PTPRM: variants seen among roughly 807,000 people sequenced by gnomAD.
The protein encoded by PTPRM is receptor-type tyrosine-protein phosphatase mu.
A neutral mutation model predicts 186.7 loss-of-function variants in PTPRM; 47 were observed. That is an observed-to-expected ratio of 0.25 (90% CI 0.20 to 0.32). PTPRM has a LOEUF of 0.32. Among genes scored for constraint, PTPRM ranks in the 10% least tolerant of loss-of-function variants. The pLI, the probability that PTPRM is intolerant of heterozygous loss-of-function variation, is 1.00. For missense variants in PTPRM, 1,494 were observed against 1,865.0 expected (o/e 0.80, Z 3.66); for synonymous variants, 668 against 674.9 (o/e 0.99, Z 0.16).
At chr18:7,696,244 C>A (rs911440238) in intron 1 of PTPRM, among the ~76,000 whole-genome samples, 1 of 152,036 alleles carries the variant, frequency 6.6e-6, no homozygotes, top group African/African-American at 2.4e-5. Context: ...TACTTTATTT[C>A]TTAATAAGAT....
chr18:8,184,480 G>A (rs1335367587), intron 14 of PTPRM, among the ~76,000 whole-genome samples: 2 of 152,182 alleles, frequency 1.3e-5, no homozygotes, highest in Non-Finnish European at 2.9e-5. Flanking sequence ...GAGTGAGGTT[G>A]CACAGACCCC....
At chr18:7,863,502 A>G (rs551897338) in intron 2 of PTPRM, among the ~76,000 whole-genome samples, 1 of 152,124 alleles carries the variant, frequency 6.6e-6, no homozygotes, top group Non-Finnish European at 1.5e-5. Context: ...TTCCAGCTTC[A>G]TCCATGTCCC....
chr18:7,772,425 T>TCCCTTC (rs1184764612), intron 1 of PTPRM, among the ~76,000 whole-genome samples: 2 of 133,996 alleles, frequency 1.5e-5, no homozygotes, highest in African/African-American at 2.9e-5. Context: ...TCTTTCTTTC[T>TCCCTTC]CCCTTCCCCT....
chr18:8,252,330 T>G (rs971341954), intron 17 of PTPRM, among the ~76,000 whole-genome samples, 158 bp from the exon 18 acceptor site: 1 of 152,262 alleles, frequency 6.6e-6, no homozygotes, highest in South Asian at 2.1e-4. Flanking sequence ...GATGGAAGAA[T>G]TGAGGCTTCG....
At chr18:7,882,056 C>A (rs1299421929) in intron 2 of PTPRM, among the ~76,000 whole-genome samples, 1 of 152,072 alleles carries the variant, frequency 6.6e-6, no homozygotes, top group African/African-American at 2.4e-5. Context: ...TTACTCTTTG[C>A]TATAACTTTA....
intron 7 of PTPRM, among the ~76,000 whole-genome samples, chr18:8,006,024 A>AGAG (rs1555686567): frequency 2.0e-5 from 3 of 151,672 alleles, no homozygotes; most frequent in African/African-American, 7.3e-5. Context: ...GCAAGAGGTG[A>AGAG]AAGGATTCAT....
chr18:7,660,658 C>T (rs111666846), intron 1 of PTPRM, among the ~76,000 whole-genome samples: 11,130 of 152,172 alleles, frequency 0.073, 556 homozygotes, highest in East Asian at 0.18. Context: ...TAGCAGTGTC[C>T]ACACAAAACC....
At chr18:7,858,477 G>A (rs1459337914) in intron 2 of PTPRM, among the ~76,000 whole-genome samples, 2 of 152,260 alleles carry the variant, frequency 1.3e-5, no homozygotes, top group Admixed American at 6.5e-5. Flanking sequence ...AAGATTGATC[G>A]CTTGCGCCCA....
chr18:7,928,335 T>TA (rs1412257991), intron 5 of PTPRM, among the ~76,000 whole-genome samples: 2 of 152,194 alleles, frequency 1.3e-5, no homozygotes, highest in African/African-American at 4.8e-5. Flanking sequence ...ACTGCTAACT[T>TA]AAGAGTTTTT....
chr18:7,571,264 C>T (rs551499643), intron 1 of PTPRM, among the ~76,000 whole-genome samples: 31 of 152,118 alleles, frequency 2.0e-4, no homozygotes, highest in African/African-American at 7.5e-4. Context: ...TTATCATTAC[C>T]GTTTCTAATT....
chr18:8,399,318 G>C (rs988994243), intron 32 of PTPRM, among the ~76,000 whole-genome samples: 6 of 152,182 alleles, frequency 3.9e-5, no homozygotes, highest in Non-Finnish European at 5.9e-5. Flanking sequence ...TGTTTGGAAA[G>C]CTGCCCTATT....
chr18:7,770,942 C>A (rs2042244061), intron 1 of PTPRM, among the ~76,000 whole-genome samples: 2 of 152,086 alleles, frequency 1.3e-5, no homozygotes, highest in South Asian at 4.1e-4. Context: ...TCCCATTTTC[C>A]AGTAGTTCAA....
At chr18:7,797,874 G>A (rs1299482510) in intron 2 of PTPRM, among the ~76,000 whole-genome samples, 1 of 152,208 alleles carries the variant, frequency 6.6e-6, no homozygotes, top group Non-Finnish European at 1.5e-5. Flanking sequence ...GCCAGCACTG[G>A]TGGACATTCC....
At chr18:7,812,161 A>C (rs2044557839) in intron 2 of PTPRM, among the ~76,000 whole-genome samples, 1 of 152,240 alleles carries the variant, frequency 6.6e-6, no homozygotes, top group African/African-American at 2.4e-5. Flanking sequence ...AGTAGGCATT[A>C]CTGAGTGACT....
At chr18:8,310,017 C>A (rs1457928701) in intron 20 of PTPRM, among the ~76,000 whole-genome samples, 2 of 152,162 alleles carry the variant, frequency 1.3e-5, no homozygotes, top group Non-Finnish European at 2.9e-5. Context: ...CACTGCGTGC[C>A]TCATTTCCAT....
At chr18:8,298,219 A>T (rs1454652724) in intron 20 of PTPRM, among the ~76,000 whole-genome samples, 1 of 152,192 alleles carries the variant, frequency 6.6e-6, no homozygotes, top group Non-Finnish European at 1.5e-5. Context: ...AGCCCACTGA[A>T]GCTTTGCGCT....
At chr18:8,275,461 T>C (rs2094822949) in intron 19 of PTPRM, among the ~76,000 whole-genome samples, 1 of 151,982 alleles carries the variant, frequency 6.6e-6, no homozygotes. Context: ...AAGAAAAGAC[T>C]TCAATGGTTC....
At chr18:8,208,185 CT>C (rs1346112227) in intron 14 of PTPRM, among the ~76,000 whole-genome samples, 6 of 152,204 alleles carry the variant, frequency 3.9e-5, no homozygotes, top group Non-Finnish European at 8.8e-5. Context: ...AGCCACGCCA[CT>C]TGTACACAGT....
intron 1 of PTPRM, among the ~76,000 whole-genome samples, chr18:7,625,815 G>A (rs1277895249): frequency 1.3e-5 from 2 of 152,216 alleles, no homozygotes; most frequent in African/African-American, 4.8e-5. Context: ...GATTACAGGC[G>A]TGAGCAACAG....
Sources: gnomAD v4.1 joint callset for allele counts (sites outside exome capture counted in the v4.1 genomes callset) on GRCh38, gnomAD v4.1.1 for gene constraint, MANE v1.5 for transcripts, NCBI Gene and HGNC (gene_info 2026-07-23, HGNC 2026-07-21) for gene names.